The following RTL4 variants were observed in gnomAD, a reference collection of about 807,000 sequenced individuals.
RTL4 encodes the protein retrotransposon Gag-like protein 4.
RTL4 carries 4 observed loss-of-function variants against 5.3 expected under a neutral mutation model. The ratio of observed to expected loss-of-function variants is 0.75; its 90% CI spans 0.37 to 1.72. The LOEUF is 1.72. Ranked by LOEUF, RTL4 falls within the 40% of genes most tolerant of loss-of-function variation. RTL4 has a pLI of 0.04. For missense variants in RTL4, 260 were observed against 227.1 expected, an observed-to-expected ratio of 1.14 and a Z score of -0.93; for synonymous variants, 98 against 87.3, an observed-to-expected ratio of 1.12 and a Z score of -0.68.
At chrX:112,103,965 C>A in the RTL4 span, among the ~76,000 whole-genome samples, 6 of 109,742 alleles carry the variant, frequency 5.5e-5, no homozygotes, top group African/African-American at 2.0e-4. Context: ...ATTACAGTCA[C>A]CATGTTGTAC....
chrX:112,177,041 A>T, the RTL4 span, among the ~76,000 whole-genome samples: 1 of 108,935 alleles, frequency 9.2e-6, no homozygotes, highest in African/African-American at 3.4e-5. Flanking sequence ...GTTTATATAT[A>T]CTATGGTGTT....
At chrX:112,455,963 C>T (rs1355290241) in exon 1 of RTL4, 10 of 324,616 alleles carry the variant, frequency 3.1e-5, no homozygotes, top group Admixed American at 1.1e-4. Context: ...TGAAAATAAC[C>T]GTGGAAGCAC....
the RTL4 span, among the ~76,000 whole-genome samples, chrX:112,138,040 A>T: frequency 8.9e-6 from 1 of 112,514 alleles, no homozygotes; most frequent in Non-Finnish European, 1.9e-5. Context: ...GTATATACAT[A>T]CAATGGAATA....
the RTL4 span, among the ~76,000 whole-genome samples, chrX:112,409,458 CG>C: frequency 9.0e-6 from 1 of 111,300 alleles, no homozygotes; most frequent in South Asian, 3.8e-4. Context: ...CAGTGGCTCA[CG>C]CGTGTAATCC....
chrX:112,151,876 T>C, the RTL4 span, among the ~76,000 whole-genome samples: 3 of 112,244 alleles, frequency 2.7e-5, no homozygotes, highest in African/African-American at 9.7e-5. Context: ...TGTTTACAAA[T>C]GGAATGCTAC....
chrX:112,161,759 A>G, the RTL4 span, among the ~76,000 whole-genome samples: 1 of 108,956 alleles, frequency 9.2e-6, no homozygotes, highest in African/African-American at 3.4e-5. Flanking sequence ...ATCGCACTCT[A>G]TTAGGCCTTG....
chrX:112,159,822 T>C, the RTL4 span, among the ~76,000 whole-genome samples: 236 of 110,807 alleles, frequency 2.1e-3, 1 homozygote, highest in African/African-American at 7.3e-3. Flanking sequence ...ATGTGTGCCA[T>C]TCTCTGTAGC....
At chrX:112,331,756 C>G in the RTL4 span, among the ~76,000 whole-genome samples, 1 of 94,209 alleles carries the variant, frequency 1.1e-5, no homozygotes, top group African/African-American at 4.0e-5. Context: ...TTGGAACCAA[C>G]CCAAATGTCC....
chrX:112,089,020 C>G, the RTL4 span, among the ~76,000 whole-genome samples: 26 of 111,448 alleles, frequency 2.3e-4, no homozygotes, highest in Admixed American at 6.6e-4. Context: ...TCTAGGTTGT[C>G]TTTTTATTTT....
At chrX:112,283,981 A>G in the RTL4 span, among the ~76,000 whole-genome samples, 2 of 109,979 alleles carry the variant, frequency 1.8e-5, no homozygotes, top group African/African-American at 3.3e-5. Context: ...AAATAATGCC[A>G]TATTTTGTTT....
At chrX:112,095,503 C>T in the RTL4 span, among the ~76,000 whole-genome samples, 1 of 111,371 alleles carries the variant, frequency 9.0e-6, no homozygotes, top group African/African-American at 3.3e-5. Context: ...TTCCATGGAT[C>T]CAGGGAGCTG....
chrX:112,415,911 T>C, the RTL4 span, among the ~76,000 whole-genome samples: 1 of 111,609 alleles, frequency 9.0e-6, no homozygotes, highest in Non-Finnish European at 1.9e-5. Context: ...ATTAGTTTCC[T>C]AGGACCATGG....
the RTL4 span, among the ~76,000 whole-genome samples, chrX:112,298,601 AT>A: frequency 8.9e-6 from 1 of 112,462 alleles, no homozygotes; most frequent in Non-Finnish European, 1.9e-5. Flanking sequence ...CAATAATTGG[AT>A]AGAAAAATGT....
the RTL4 span, among the ~76,000 whole-genome samples, chrX:112,300,151 A>T: frequency 1.8e-5 from 2 of 111,310 alleles, no homozygotes; most frequent in Non-Finnish European, 3.8e-5. Context: ...AGGTCCTTTC[A>T]CTCATCTGAT....
the RTL4 span, among the ~76,000 whole-genome samples, chrX:112,121,449 A>G: frequency 8.9e-6 from 1 of 112,163 alleles, no homozygotes; most frequent in Non-Finnish European, 1.9e-5. Flanking sequence ...TTTATTAACT[A>G]TGATAACATT....
chrX:112,139,870 C>T, the RTL4 span, among the ~76,000 whole-genome samples: 12 of 111,481 alleles, frequency 1.1e-4, no homozygotes, highest in Admixed American at 4.8e-4. Flanking sequence ...ATAAGTCTCA[C>T]GAGATCTGAT....
chrX:112,281,460 GAT>G, the RTL4 span, among the ~76,000 whole-genome samples: 1 of 111,784 alleles, frequency 8.9e-6, no homozygotes, highest in African/African-American at 3.2e-5. Flanking sequence ...TCTTTGTTTA[GAT>G]ATATTTTTGA....
chrX:112,347,831 T>C, the RTL4 span, among the ~76,000 whole-genome samples: 1 of 111,453 alleles, frequency 9.0e-6, no homozygotes, highest in African/African-American at 3.3e-5. Context: ...GGCAGTTCCT[T>C]ATCCAAACAT....
the RTL4 span, among the ~76,000 whole-genome samples, chrX:112,204,645 G>C: frequency 9.0e-6 from 1 of 111,674 alleles, no homozygotes; most frequent in African/African-American, 3.3e-5. Context: ...GACATAGAGA[G>C]TAGAAGGATG....
Sources: allele counts gnomAD v4.1 joint callset (sites outside exome capture counted in the v4.1 genomes callset), GRCh38; gene constraint gnomAD v4.1.1; transcripts MANE v1.5; gene names NCBI Gene and HGNC (gene_info 2026-07-23, HGNC 2026-07-21).